ATP8A2: variants seen among roughly 807,000 people sequenced by gnomAD.
ATP8A2 encodes ATPase phospholipid transporting 8A2, also known as phospholipid-transporting ATPase IB.
ATP8A2 carries 100 observed loss-of-function variants against 165.6 expected under a neutral mutation model. The observed-to-expected ratio is 0.60, with a 90% CI of 0.51 to 0.71. The LOEUF (loss-of-function observed/expected upper bound fraction) is 0.71. Ranked by LOEUF, ATP8A2 falls within the 30% of genes least tolerant of loss-of-function variation. ATP8A2 has a pLI of 0.00. For missense variants in ATP8A2, 1,227 were observed against 1,479.5 expected (o/e 0.83, Z 2.80); for synonymous variants, 543 against 548.8 (o/e 0.99, Z 0.15).
At chr13:26,012,673 G>A (rs1956875534) in intron 36 of ATP8A2, 51 bp downstream of exon 36, 2 of 1,296,356 alleles carry the variant, frequency 1.5e-6, no homozygotes, top group Non-Finnish European at 2.0e-6. Context: ...GGTGCGGGGC[G>A]GGGGTTGATG....
At chr13:25,478,663 T>A (rs1028298458) in intron 2 of ATP8A2, among the ~76,000 whole-genome samples, 3 of 152,194 alleles carry the variant, frequency 2.0e-5, no homozygotes, top group South Asian at 4.1e-4. Context: ...ATGATGTTAG[T>A]CACTCTGATG....
chr13:25,722,820 G>A (rs895553782), intron 25 of ATP8A2, among the ~76,000 whole-genome samples: 7 of 152,120 alleles, frequency 4.6e-5, no homozygotes, highest in Non-Finnish European at 1.0e-4. Context: ...TCCCACAAAG[G>A]TAACTAATTT....
intron 2 of ATP8A2, among the ~76,000 whole-genome samples, chr13:25,508,265 T>C (rs886908699): frequency 3.3e-5 from 5 of 152,204 alleles, no homozygotes; most frequent in Admixed American, 6.5e-5. Context: ...CTGAATGCAG[T>C]GCGGACTTTA....
In ATP8A2 at chr13:25,429,476, G is replaced by C. The variant is rs1349372421; in HGVS notation, c.77-39501G>C. ...GATTCACCCCATTCTCCCCAAGAAGGAAAATGGTCAGCTGGATGGCTGGGT... is the reference window on the plus strand; with the variant it reads ...GATTCACCCCATTCTCCCCAAGAAGCAAAATGGTCAGCTGGATGGCTGGGT... On this transcript the variant is annotated intron_variant, in intron 1 of 36. Transcript: ENST00000381655. 3.3e-5 allele frequency among the ~76,000 whole-genome samples: 5 copies of C among 151,950 alleles called. 1 individual carries two copies. In the South Asian group the frequency reaches 1.0e-3, roughly 32 times the overall value.
intron 33 of ATP8A2, among the ~76,000 whole-genome samples, chr13:25,881,532 T>C (rs2138853878): frequency 6.6e-6 from 1 of 152,082 alleles, no homozygotes; most frequent in South Asian, 2.1e-4. Context: ...TTTTTAATGT[T>C]CGTTATGTAT....
At chr13:25,913,795 G>C (rs1208747837) in intron 33 of ATP8A2, among the ~76,000 whole-genome samples, 3 of 152,186 alleles carry the variant, frequency 2.0e-5, no homozygotes, top group Non-Finnish European at 4.4e-5. Context: ...AAGTCTTTCT[G>C]AGCTTCTCTG....
At chr13:25,379,467 T>G (rs189297655) in intron 1 of ATP8A2, among the ~76,000 whole-genome samples, 2 of 152,336 alleles carry the variant, frequency 1.3e-5, no homozygotes, top group East Asian at 3.9e-4. Context: ...TTCATTCATA[T>G]TCAAAGGAGA....
chr13:25,593,249 A>G (rs938625539), intron 24 of ATP8A2, among the ~76,000 whole-genome samples: 2 of 152,194 alleles, frequency 1.3e-5, no homozygotes, highest in African/African-American at 4.8e-5. Context: ...GGGACACAGA[A>G]AATGGCCCAA....
intron 1 of ATP8A2, among the ~76,000 whole-genome samples, chr13:25,430,546 C>T (rs1284879753): frequency 6.6e-6 from 1 of 152,048 alleles, no homozygotes; most frequent in Non-Finnish European, 1.5e-5. Flanking sequence ...GACTAGAGGA[C>T]AGTTTGAGAT....
chr13:25,538,135 A>G (rs2038349400), intron 7 of ATP8A2, 74 bp downstream of exon 7: 2 of 1,055,736 alleles, frequency 1.9e-6, no homozygotes, highest in Admixed American at 3.7e-5. Flanking sequence ...CACCTGGGGC[A>G]GTCTTGAGCA....
intron 1 of ATP8A2, among the ~76,000 whole-genome samples, chr13:25,460,386 T>A (rs549346912): frequency 6.6e-6 from 1 of 152,100 alleles, no homozygotes; most frequent in East Asian, 1.9e-4. Context: ...CTACGAGCAA[T>A]GGAGAATGTC....
intron 33 of ATP8A2, among the ~76,000 whole-genome samples, chr13:25,921,799 T>C (rs963246238): frequency 3.3e-5 from 5 of 152,194 alleles, no homozygotes. Flanking sequence ...GTTTGAAGTA[T>C]AGTTTATGGT....
chr13:25,848,009 C>T (rs1375801001), intron 30 of ATP8A2, among the ~76,000 whole-genome samples: 1 of 152,192 alleles, frequency 6.6e-6, no homozygotes. Context: ...CCTAAGTGTC[C>T]TCAGTCAGCA....
At chr13:25,739,118 A>G (rs1277988718) in intron 25 of ATP8A2, among the ~76,000 whole-genome samples, 1 of 152,224 alleles carries the variant, frequency 6.6e-6, no homozygotes, top group Non-Finnish European at 1.5e-5. Context: ...GAGCAGGGGA[A>G]GAAAATCTTC....
intron 27 of ATP8A2, among the ~76,000 whole-genome samples, chr13:25,816,171 G>A (rs1039029467): frequency 1.3e-5 from 2 of 152,138 alleles, no homozygotes; most frequent in Non-Finnish European, 2.9e-5. Flanking sequence ...TGAATTTTAT[G>A]TTCTGTATAT....
Position 25,879,735 on chromosome 13 carries a change from A to G in ATP8A2, c.3183+17327A>G, listed in dbSNP as rs138986464. Among the ~76,000 whole-genome samples the G allele has an allele frequency of 3.1e-4, 47 of 152,276 alleles. No homozygotes were observed. The East Asian group carries it at 7.0e-3, about 23-fold the overall frequency. On this transcript the variant is annotated intron_variant, in intron 33 of 36. Transcript: ENST00000381655. ...AAGCAGATTTATGCAAACAGCCCCAAATGTGTTTTAGGACAGTCCTGGCGA... is the reference window on the plus strand; with the variant it reads ...AAGCAGATTTATGCAAACAGCCCCAGATGTGTTTTAGGACAGTCCTGGCGA...
intron 1 of ATP8A2, among the ~76,000 whole-genome samples, chr13:25,418,988 A>G (rs931810377): frequency 1.3e-5 from 2 of 151,980 alleles, no homozygotes; most frequent in Non-Finnish European, 2.9e-5. Flanking sequence ...GAAGAGGGGG[A>G]AAAAAGGAAG....
In ATP8A2 at chr13:25,774,915, A is replaced by G; in HGVS notation, c.2635A>G (p.Ile879Val). 6.2e-7 allele frequency: 1 copy of G among 1,613,652 alleles called. No individual in the cohort carries two copies. Among genetic ancestry groups the G allele is most frequent in the Non-Finnish European group, 8.5e-7 (1 of 1,179,572 alleles). ...GAGCTACAACCGGGTGACCAAGTGC[A>G]TCTTGTACTGCTTCTATAAGAACGT... ...AWSYNRVTKC[I>V]LYCFYKNVVL... Residue 879 changes from isoleucine to valine, a missense_variant, in exon 27 of 37, where the codon ATC becomes GTC. Ile to Val is a conservative substitution (Grantham distance 29). Transcript: ENST00000381655.
rs186348293 is a variant in ATP8A2, at chr13:25,450,799, A to G, written c.77-18178A>G. 4.7e-3 allele frequency among the ~76,000 whole-genome samples: 722 copies of G among 152,036 alleles called. 6 individuals carry two copies. The highest frequency in any genetic ancestry group is 0.012 in the South Asian group (60 of 4,818). On this transcript the variant is annotated intron_variant, in intron 1 of 36. Transcript: ENST00000381655. The stretch of plus-strand genomic sequence containing the variant: ...GCCCACCTCGGCCTCCCAAAGTGCT[A>G]GGATTACAGGCTTGAGCCACCGCGC...
Sources: allele counts gnomAD v4.1 joint callset (sites outside exome capture counted in the v4.1 genomes callset), GRCh38; gene constraint gnomAD v4.1.1; transcripts MANE v1.5; gene names NCBI Gene and HGNC (gene_info 2026-07-23, HGNC 2026-07-21).